GLIS3: variants seen among roughly 807,000 people sequenced by gnomAD.
GLIS3 encodes GLIS family zinc finger 3.
In GLIS3, 53 loss-of-function variants were observed where a neutral mutation model predicts 78.6. The ratio of observed to expected loss-of-function variants is 0.67; its 90% CI spans 0.54 to 0.85. The LOEUF (loss-of-function observed/expected upper bound fraction) is 0.85, where lower values mean the gene tolerates loss of function less well. Ranked by LOEUF, GLIS3 falls within the 40% of genes least tolerant of loss-of-function variation. The pLI, the probability that GLIS3 is intolerant of heterozygous loss-of-function variation, is 0.00. For missense variants in GLIS3, 1,703 were observed against 1,231.1 expected, an observed-to-expected ratio of 1.38 and a Z score of -5.74; for synonymous variants, 684 against 509.9, an observed-to-expected ratio of 1.34 and a Z score of -4.60.
chr9:4,012,836 A>C (rs1195169194), intron 4 of GLIS3, among the ~76,000 whole-genome samples: 4 of 139,538 alleles, frequency 2.9e-5, no homozygotes, highest in African/African-American at 1.1e-4. Context: ...GCAACGGCAC[A>C]ATCTCAGCTC....
At chr9:4,091,631 T>A (rs946896886) in intron 4 of GLIS3, among the ~76,000 whole-genome samples, 2 of 152,138 alleles carry the variant, frequency 1.3e-5, no homozygotes, top group Admixed American at 1.3e-4. Context: ...TTTTGTTGTA[T>A]AAACAGCAGA....
chr9:4,270,200 G>A (rs1426976815), intron 2 of GLIS3, among the ~76,000 whole-genome samples: 1 of 152,186 alleles, frequency 6.6e-6, no homozygotes, highest in Non-Finnish European at 1.5e-5. Flanking sequence ...CTATCACCAT[G>A]TCTGGTGTAT....
chr9:4,140,689 C>T (rs986705056), intron 2 of GLIS3, among the ~76,000 whole-genome samples: 1 of 152,184 alleles, frequency 6.6e-6, no homozygotes, highest in Non-Finnish European at 1.5e-5. Context: ...GCCCATTCAG[C>T]AGCTCATGTT....
the GLIS3 span, among the ~76,000 whole-genome samples, chr9:4,473,172 T>C: frequency 6.6e-6 from 1 of 152,096 alleles, no homozygotes; most frequent in Non-Finnish European, 1.5e-5. Context: ...TGGCCATCAA[T>C]GATAGACTGA....
intron 2 of GLIS3, among the ~76,000 whole-genome samples, chr9:4,212,577 C>T (rs747274260): frequency 3.3e-5 from 5 of 152,242 alleles, no homozygotes; most frequent in African/African-American, 4.8e-5. Flanking sequence ...ACACAGGTGG[C>T]GCCTCTCACC....
chr9:3,837,656 G>C (rs1488556790), intron 9 of GLIS3, among the ~76,000 whole-genome samples: 1 of 152,210 alleles, frequency 6.6e-6, no homozygotes, highest in East Asian at 1.9e-4. Context: ...GCATATTGCT[G>C]AGTGAAAGAA....
intron 2 of GLIS3, among the ~76,000 whole-genome samples, chr9:4,138,510 G>A (rs1833573071): frequency 1.3e-5 from 2 of 152,184 alleles, no homozygotes; most frequent in South Asian, 2.1e-4. Context: ...CTTCATCTGA[G>A]CCTTTTAATG....
intron 9 of GLIS3, among the ~76,000 whole-genome samples, chr9:3,839,003 A>G (rs1818547474): frequency 6.6e-6 from 1 of 152,230 alleles, no homozygotes; most frequent in South Asian, 2.1e-4. Context: ...CTATACATTC[A>G]AACTTTGAAA....
At chr9:4,077,873 T>C (rs920943657) in intron 4 of GLIS3, among the ~76,000 whole-genome samples, 2 of 152,220 alleles carry the variant, frequency 1.3e-5, no homozygotes, top group Non-Finnish European at 2.9e-5. Context: ...CCCAGCTCCA[T>C]ACCTTCCTCT....
chr9:4,071,966 C>A (rs948993290), intron 4 of GLIS3: 3 of 152,210 alleles, frequency 2.0e-5, no homozygotes, highest in Non-Finnish European at 2.9e-5. Context: ...CACTGACCTG[C>A]ATTTGTAGAA....
chr9:4,311,542 G>A (rs932910695), intron 2 of GLIS3, among the ~76,000 whole-genome samples: 5 of 152,124 alleles, frequency 3.3e-5, no homozygotes, highest in African/African-American at 9.7e-5. Flanking sequence ...TCCGACCCCT[G>A]CAACTGTCAG....
chr9:4,121,571 ACTT>A (rs1832184295), intron 3 of GLIS3, among the ~76,000 whole-genome samples: 1 of 151,748 alleles, frequency 6.6e-6, no homozygotes, highest in Admixed American at 6.6e-5. Flanking sequence ...TTTAAAAATA[ACTT>A]CTATTTTACA....
the GLIS3 span, among the ~76,000 whole-genome samples, chr9:4,462,575 A>C: frequency 6.6e-6 from 1 of 151,248 alleles, no homozygotes; most frequent in African/African-American, 2.4e-5. Flanking sequence ...TGGGCAACAT[A>C]GCGAGATTCC....
intron 4 of GLIS3, among the ~76,000 whole-genome samples, chr9:3,957,605 AT>A (rs1186414353): frequency 6.6e-6 from 1 of 152,230 alleles, no homozygotes; most frequent in Non-Finnish European, 1.5e-5. Context: ...GAGAACAGTG[AT>A]TTTAAATAGA....
chr9:4,441,712 T>C, the GLIS3 span, among the ~76,000 whole-genome samples: 1 of 152,170 alleles, frequency 6.6e-6, no homozygotes. Flanking sequence ...GTTCAAGCCA[T>C]CCTTCCACCT....
intron 2 of GLIS3, among the ~76,000 whole-genome samples, chr9:4,136,526 CA>C (rs1833420176): frequency 6.6e-6 from 1 of 152,142 alleles, no homozygotes; most frequent in Non-Finnish European, 1.5e-5. Context: ...ATAAATCTCC[CA>C]GAAGACCAAA....
the GLIS3 span, among the ~76,000 whole-genome samples, chr9:4,434,094 C>CA: frequency 0.51 from 50,710 of 99,956 alleles, 11,048 homozygotes; most frequent in East Asian, 0.65. Flanking sequence ...GACTCTGTCT[C>CA]AAAAAAAAAA....
intron 4 of GLIS3, among the ~76,000 whole-genome samples, chr9:4,032,931 G>T (rs1482841173): frequency 6.6e-6 from 1 of 151,796 alleles, no homozygotes; most frequent in African/African-American, 2.4e-5. Context: ...TCGGCTCACT[G>T]CAAGCTCCGC....
intron 9 of GLIS3, among the ~76,000 whole-genome samples, chr9:3,853,431 C>T (rs1370371964): frequency 2.0e-5 from 3 of 151,912 alleles, no homozygotes; most frequent in African/African-American, 7.2e-5. Flanking sequence ...TATTAAATGC[C>T]TACTTTGCAC....
Sources: gnomAD v4.1 joint callset for allele counts (sites outside exome capture counted in the v4.1 genomes callset) on GRCh38, gnomAD v4.1.1 for gene constraint, MANE v1.5 for transcripts, NCBI Gene and HGNC (gene_info 2026-07-23, HGNC 2026-07-21) for gene names.